MAPK13: variants seen among roughly 807,000 people sequenced by gnomAD.
The protein encoded by MAPK13 is mitogen-activated protein kinase 13.
Under a neutral mutation model 53.5 loss-of-function variants are expected in MAPK13, and 39 were observed. The ratio of observed to expected loss-of-function variants is 0.73; its 90% CI spans 0.56 to 0.95. The LOEUF (loss-of-function observed/expected upper bound fraction) is 0.95, where lower values mean the gene tolerates loss of function less well. MAPK13 is among the 40% of genes least tolerant of loss of function. The probability of loss-of-function intolerance (pLI) is 0.00; values close to 1 mark genes in which losing one functional copy is unlikely to be tolerated. For missense variants in MAPK13, 460 were observed against 471.8 expected, an observed-to-expected ratio of 0.98 and a Z score of 0.23; for synonymous variants, 179 against 190.9, an observed-to-expected ratio of 0.94 and a Z score of 0.51.
In MAPK13 at chr6:36,136,548, C is replaced by A; in HGVS notation, c.495+17C>A. 1.2e-6 allele frequency: 2 copies of A among 1,600,060 alleles called. No individual in the cohort carries two copies. Among genetic ancestry groups the A allele is most frequent in the South Asian group, 1.1e-5 (1 of 88,428 alleles). On this transcript the variant is annotated intron_variant, in intron 6 of 11. Transcript: ENST00000211287. Reference sequence around the variant, plus strand: ...GAACTGAAGGTGAGTGGGCTGCAGGCTCAGCCCAGAGGCGGGATAGGCCCT... The same window carrying A: ...GAACTGAAGGTGAGTGGGCTGCAGGATCAGCCCAGAGGCGGGATAGGCCCT...
Position 36,130,712 on chromosome 6 carries a change from T to G in MAPK13, c.119+11T>G. 1.1e-6 allele frequency: 1 copy of G among 922,786 alleles called. No individual in the cohort carries two copies. The highest frequency in any genetic ancestry group is 1.6e-6 in the Non-Finnish European group (1 of 626,716). The allele number at this position is 922,786 out of a possible 1,614,324, so 57.2% of individuals were successfully genotyped here. A position where few individuals can be genotyped will look rare whatever the true frequency, so the allele number is the denominator to read the frequency against. On this transcript the variant is annotated intron_variant, in intron 1 of 11. Transcript: ENST00000211287. The surrounding 1 kb of genome is among the most constrained non-coding windows in gnomAD (Gnocchi z 4.5). Reference sequence around the variant, plus strand: ...CTATGGCTCCGTGTGGTGAGACCCCTGGGCCGCTGGGGGGCGGGGGGCGGG... The same window carrying G: ...CTATGGCTCCGTGTGGTGAGACCCCGGGGCCGCTGGGGGGCGGGGGGCGGG...
intron 3 of MAPK13, among the ~76,000 whole-genome samples, chr6:36,134,830 A>T (rs1002451535): frequency 3.9e-5 from 6 of 152,228 alleles, no homozygotes; most frequent in African/African-American, 1.4e-4. Context: ...CCTGGCCAAC[A>T]TGGCAAAACC....
chr6:36,131,069 G>A, intron 1 of MAPK13: 1 of 579,134 alleles, frequency 1.7e-6, no homozygotes, highest in Non-Finnish European at 2.9e-6. Flanking sequence ...GCAATGAGAC[G>A]TTGCTGCCCC....
At chr6:36,138,532 C>A in intron 9 of MAPK13, 88 bp downstream of exon 9, 1 of 1,378,232 alleles carries the variant, frequency 7.3e-7, no homozygotes, top group Non-Finnish European at 1.0e-6. Context: ...TGGAAGAAGG[C>A]TCACCAGCAC....
rs139498626 is a variant in MAPK13, at chr6:36,134,994, G to A, written c.309-759G>A. 2.7e-3 allele frequency among the ~76,000 whole-genome samples: 418 copies of A among 152,232 alleles called. 3 individuals carry two copies. Among genetic ancestry groups the A allele is most frequent in the African/African-American group, 9.5e-3 (393 of 41,536 alleles). The stretch of plus-strand genomic sequence containing the variant: ...CACGCCACTGCACTCTAGCCTGGGC[G>A]ACAGAGCAAGACTCCATCTCAAAGA... On this transcript the variant is annotated intron_variant, in intron 3 of 11. Transcript: ENST00000211287.
chr6:36,139,277 C>A lies in MAPK13; in HGVS notation c.1019-17C>A. 1 of 1,612,092 alleles carries A rather than the reference C, an allele frequency of 6.2e-7. No individual in the cohort carries two copies. Among genetic ancestry groups the A allele is most frequent in the Non-Finnish European group, 8.5e-7 (1 of 1,178,188 alleles). ...CAGCACCTCTTTACGCACCTTAAAC[C>A]ATGCTGCCTTTCTCAGAGCACATCT... On this transcript the variant is annotated splice_polypyrimidine_tract_variant and intron_variant, in intron 11 of 11. Coordinates refer to ENST00000211287, the MANE Select transcript of MAPK13 (RefSeq NM_002754.5).
intron 10 of MAPK13, 40 bp from the exon 11 acceptor site, chr6:36,138,839 C>A: frequency 6.2e-7 from 1 of 1,612,714 alleles, no homozygotes. Flanking sequence ...GGCGGGCTCT[C>A]CCAGCCCCTG....
intron 2 of MAPK13, 117 bp downstream of exon 2, chr6:36,131,517 C>A (rs1766323570): frequency 3.0e-6 from 3 of 1,001,646 alleles, no homozygotes; most frequent in Non-Finnish European, 4.3e-6. Context: ...GCTCCCCTGA[C>A]GGTGCCTCTC....
chr6:36,134,332 C>A (rs527321892), intron 3 of MAPK13, among the ~76,000 whole-genome samples: 2 of 152,014 alleles, frequency 1.3e-5, no homozygotes, highest in Non-Finnish European at 2.9e-5. Flanking sequence ...ACAACAACAA[C>A]AACAACAACA....
At chr6:36,137,198 C>T (rs935742863) in intron 8 of MAPK13, among the ~76,000 whole-genome samples, 1 of 151,908 alleles carries the variant, frequency 6.6e-6, no homozygotes, top group Admixed American at 6.6e-5. Context: ...AGGGAGACCC[C>T]ATCTCTAAAA....
In MAPK13 at chr6:36,133,751, C is replaced by T. The variant is rs140128114; in HGVS notation, c.308+1072C>T. On this transcript the variant is annotated intron_variant, in intron 3 of 11. Transcript: ENST00000211287. ...TCACCGATGGGTTATAGCTGACACCCGGGAACAGATAATTGTAGAATGTGG... is the reference window on the plus strand; with the variant it reads ...TCACCGATGGGTTATAGCTGACACCTGGGAACAGATAATTGTAGAATGTGG... 7.4e-3 allele frequency among the ~76,000 whole-genome samples: 1,121 copies of T among 152,168 alleles called. 12 individuals carry two copies. The highest frequency in any genetic ancestry group is 0.025 in the African/African-American group (1,056 of 41,486).
In MAPK13 at chr6:36,130,669, G is replaced by A. The variant is rs374969334; in HGVS notation, c.87G>A (p.Thr29=). 1.2e-5 allele frequency: 19 copies of A among 1,574,942 alleles called. No homozygotes were observed. The African/African-American group carries it at 2.4e-4, about 20-fold the overall frequency. The change falls in exon 1 of 12, where the codon ACG becomes ACA. Residue 29 remains threonine, a synonymous_variant. Coordinates refer to ENST00000211287, the MANE Select transcript of MAPK13 (RefSeq NM_002754.5). The surrounding 1 kb of genome is among the most constrained non-coding windows in gnomAD (Gnocchi z 4.5). ...WELPKTYVSP[T]HVGSGAYGSV... ...TGCCCAAGACCTACGTGTCCCCGACGCACGTCGGCAGCGGGGCCTATGGCT... is the reference window on the plus strand; with the variant it reads ...TGCCCAAGACCTACGTGTCCCCGACACACGTCGGCAGCGGGGCCTATGGCT...
intron 1 of MAPK13, chr6:36,131,055 C>T (rs1458145527): frequency 3.5e-6 from 2 of 564,292 alleles, no homozygotes; most frequent in African/African-American, 1.9e-5. Flanking sequence ...CCGTGGATCC[C>T]GTCGCAATGA....
In MAPK13 at chr6:36,143,435, G is replaced by C. The variant is rs909256186; in HGVS notation, c.*4062G>C. 1.3e-5 allele frequency: 2 copies of C among 152,372 alleles called. No homozygotes were observed. Among genetic ancestry groups the C allele is most frequent in the Non-Finnish European group, 2.9e-5 (2 of 68,180 alleles). 9.4% of individuals were successfully genotyped at this position (152,372 alleles called of 1,614,324 possible). ...GCTGCCTGCGTGAGGCTGGGGGCTA[G>C]TTTGGATGAGGGCATGGCTCAACTT... On this transcript the variant is annotated 3_prime_UTR_variant, in exon 12 of 12. Transcript: ENST00000211287.
At chr6:36,131,222 TA>T (rs775726600) in intron 1 of MAPK13, 48 bp from the exon 2 acceptor site, 3 of 1,585,100 alleles carry the variant, frequency 1.9e-6, no homozygotes, top group South Asian at 2.3e-5. Context: ...GTCTGGGAGA[TA>T]CGGCCCAGGA....
rs772574143 is a variant in MAPK13, at chr6:36,130,589, C to T, written c.7C>T (p.Leu3Phe). The change falls in exon 1 of 12, where the codon CTC (leucine) becomes TTC (phenylalanine). Residue 3 changes from leucine to phenylalanine, a missense_variant. Coordinates refer to ENST00000211287, the MANE Select transcript of MAPK13 (RefSeq NM_002754.5). The surrounding 1 kb of genome is among the most constrained non-coding windows in gnomAD (Gnocchi z 4.5). ...CCGAGATCGGGTGCCCGGGATGAGC[C>T]TCATCCGGAAAAAGGGCTTCTACAA... is the stretch of plus-strand genomic sequence containing the variant. The part of the protein sequence containing the change: MS[L>F]IRKKGFYKQD... 4 of 1,561,126 alleles carry T rather than the reference C, an allele frequency of 2.6e-6. No individual in the cohort carries two copies. In the African/African-American group the frequency reaches 4.3e-5, roughly 17 times the overall value.
In MAPK13 at chr6:36,143,046, G is replaced by A. The variant is rs188958762; in HGVS notation, c.*3673G>A. ...GGGCTCAGGTATTCTTGGTGGATGC[G>A]CTTCGTTCTGTGGCTGATGGGGTGG... On this transcript the variant is annotated 3_prime_UTR_variant, in exon 12 of 12. Coordinates refer to ENST00000211287, the MANE Select transcript of MAPK13 (RefSeq NM_002754.5). 260 of 152,346 alleles carry A rather than the reference G, an allele frequency of 1.7e-3. 4 individuals carry two copies. The highest frequency in any genetic ancestry group is 9.9e-3 in the Admixed American group (151 of 15,296). 9.4% of individuals were successfully genotyped at this position (152,346 alleles called of 1,614,324 possible).
At position 36,144,330 on chromosome 6, in the gene MAPK13, T is replaced by TATTA. The variant is rs1766590871; in HGVS notation, c.*4959_*4962dup. ...TGAATAAAAAGATCGAGGGTAGGCC[T>TATTA]ATTAAACAATGGTAAACTGAAGAGA... On this transcript the variant is annotated 3_prime_UTR_variant, in exon 12 of 12. Transcript: ENST00000211287. 1 of 152,082 alleles carries TATTA rather than the reference T, an allele frequency of 6.6e-6. No homozygotes were observed. Among genetic ancestry groups the TATTA allele is most frequent in the African/African-American group, 2.4e-5 (1 of 41,388 alleles). The allele number at this position is 152,082 out of a possible 1,614,324, so 9.4% of individuals were successfully genotyped here.
chr6:36,135,081 C>T (rs1766390423), intron 3 of MAPK13, among the ~76,000 whole-genome samples: 1 of 152,198 alleles, frequency 6.6e-6, no homozygotes. Flanking sequence ...TTAAACTCTT[C>T]GCCTCAAGCG....
Sources: allele counts gnomAD v4.1 joint callset (sites outside exome capture counted in the v4.1 genomes callset), GRCh38; gene constraint gnomAD v4.1.1; non-coding constraint Gnocchi (gnomAD v3.1); transcripts MANE v1.5; gene names NCBI Gene and HGNC (gene_info 2026-07-23, HGNC 2026-07-21).